The following FGF12 variants were observed in gnomAD, a reference collection of about 807,000 sequenced individuals.
FGF12 encodes fibroblast growth factor 12B.
FGF12 carries 14 observed loss-of-function variants against 23.6 expected under a neutral mutation model. The ratio of observed to expected loss-of-function variants is 0.59; its 90% CI spans 0.39 to 0.93. FGF12 has a LOEUF of 0.93. Ranked by LOEUF, FGF12 falls within the 40% of genes least tolerant of loss-of-function variation. The pLI is 0.00. For synonymous variants in FGF12, 62 were observed against 77.3 expected, an observed-to-expected ratio of 0.80 and a Z score of 1.04; for missense variants, 175 against 217.8, an observed-to-expected ratio of 0.80 and a Z score of 1.24.
chr3:192,259,282 T>A (rs994332872), intron 4 of FGF12, among the ~76,000 whole-genome samples: 36 of 152,160 alleles, frequency 2.4e-4, no homozygotes, highest in Non-Finnish European at 1.0e-4. Flanking sequence ...TACTGCATCA[T>A]AAGATAAGAG....
At chr3:192,598,823 A>G (rs966831945) in intron 2 of FGF12, among the ~76,000 whole-genome samples, 1 of 152,164 alleles carries the variant, frequency 6.6e-6, no homozygotes, top group Admixed American at 6.6e-5. Flanking sequence ...CTCTCACTCT[A>G]AATTCCAACA....
In FGF12 at chr3:192,293,958, G is replaced by A. The variant is rs146066144; in HGVS notation, c.228+41403C>T. Among the ~76,000 whole-genome samples, 622 of 152,230 alleles carry A rather than the reference G, an allele frequency of 4.1e-3. 3 individuals carry two copies. Among genetic ancestry groups the A allele is most frequent in the African/African-American group, 0.014 (601 of 41,560 alleles). On this transcript the variant is annotated intron_variant, in intron 4 of 5. Transcript: ENST00000445105. ...CCCTACCCAAATCTCATCTTGAATTGTACTCCCATTATTCACTCAAGTTGT... is the reference window on the plus strand; with the variant it reads ...CCCTACCCAAATCTCATCTTGAATTATACTCCCATTATTCACTCAAGTTGT...
At chr3:192,527,795 A>G (rs1481037871) in intron 2 of FGF12, among the ~76,000 whole-genome samples, 1 of 152,178 alleles carries the variant, frequency 6.6e-6, no homozygotes, top group African/African-American at 2.4e-5. Context: ...GTGGCTGGGG[A>G]GGCCTTACAA....
intron 2 of FGF12, among the ~76,000 whole-genome samples, chr3:192,666,913 T>C (rs1716892457): frequency 7.6e-6 from 1 of 131,336 alleles, no homozygotes; most frequent in East Asian, 2.2e-4. Flanking sequence ...GTTGGATAGA[T>C]AGATGATAGA....
chr3:192,562,893 T>A (rs1422103949), intron 2 of FGF12, among the ~76,000 whole-genome samples: 3 of 152,170 alleles, frequency 2.0e-5, no homozygotes, highest in Non-Finnish European at 4.4e-5. Context: ...TTGTTCATCC[T>A]GAACGTTCTC....
intron 2 of FGF12, among the ~76,000 whole-genome samples, chr3:192,572,301 G>A (rs145990815): frequency 3.8e-4 from 58 of 152,208 alleles, no homozygotes; most frequent in Middle Eastern, 3.4e-3. Flanking sequence ...TTCCTTGAGC[G>A]CCCAGTTGAT....
At chr3:192,421,920 G>A (rs912222336) in intron 2 of FGF12, among the ~76,000 whole-genome samples, 3 of 152,030 alleles carry the variant, frequency 2.0e-5, no homozygotes, top group African/African-American at 7.2e-5. Flanking sequence ...CTCTGAATAA[G>A]TGGTGGTGGT....
chr3:192,368,861 T>G (rs1484065234), intron 2 of FGF12, among the ~76,000 whole-genome samples: 1 of 152,188 alleles, frequency 6.6e-6, no homozygotes, highest in Non-Finnish European at 1.5e-5. Context: ...GCCCTTTCTC[T>G]ACTTGCTTTC....
rs1278868724 is a variant in FGF12, at chr3:192,197,871, A to C, written c.229-27215T>G. Among the ~76,000 whole-genome samples, 5 of 144,318 alleles carry C rather than the reference A, an allele frequency of 3.5e-5. No individual in the cohort carries two copies. In the South Asian group the frequency reaches 1.1e-3, roughly 33 times the overall value. The allele number at this position is 144,318 out of a possible 152,430, so 94.7% of individuals were successfully genotyped here. A position where few individuals can be genotyped will look rare whatever the true frequency, so the allele number is the denominator to read the frequency against. On this transcript the variant is annotated intron_variant, in intron 4 of 5. Transcript: ENST00000445105. The stretch of plus-strand genomic sequence containing the variant: ...TGAGGCAGGAGAATCACTTGAACCC[A>C]GGGGACGGAGGTTGCAGTGAGCTGA...
At chr3:192,248,892 C>A (rs1434001694) in intron 4 of FGF12, among the ~76,000 whole-genome samples, 1 of 152,108 alleles carries the variant, frequency 6.6e-6, no homozygotes, top group Non-Finnish European at 1.5e-5. Flanking sequence ...GCTTGATGAG[C>A]CATATTTACT....
intron 4 of FGF12, among the ~76,000 whole-genome samples, chr3:192,178,676 T>C (rs537705612): frequency 6.6e-6 from 1 of 152,304 alleles, no homozygotes; most frequent in African/African-American, 2.4e-5. Flanking sequence ...TTTTGTATTT[T>C]TAGTAGAGAC....
At chr3:192,253,616 A>T (rs889256396) in intron 4 of FGF12, among the ~76,000 whole-genome samples, 1 of 152,098 alleles carries the variant, frequency 6.6e-6, no homozygotes, top group Non-Finnish European at 1.5e-5. Context: ...AAAAGGCTGG[A>T]TGTGGCTAAA....
intron 2 of FGF12, among the ~76,000 whole-genome samples, chr3:192,380,276 T>G (rs983888842): frequency 1.3e-5 from 2 of 152,182 alleles, no homozygotes; most frequent in African/African-American, 4.8e-5. Context: ...TTCATCTGTT[T>G]GCTTAATGGA....
chr3:192,578,434 A>T (rs557601354), intron 2 of FGF12, among the ~76,000 whole-genome samples: 55 of 152,274 alleles, frequency 3.6e-4, no homozygotes, highest in Non-Finnish European at 6.6e-4. Context: ...TGCATTCTTA[A>T]CCCTTTACTG....
At chr3:192,631,023 C>T (rs1715373691) in intron 2 of FGF12, among the ~76,000 whole-genome samples, 1 of 152,136 alleles carries the variant, frequency 6.6e-6, no homozygotes, top group Admixed American at 6.6e-5. Flanking sequence ...ATTTACTAAA[C>T]TGTCTCCGGT....
At chr3:192,449,618 T>C (rs1418898460) in intron 2 of FGF12, among the ~76,000 whole-genome samples, 1 of 152,176 alleles carries the variant, frequency 6.6e-6, no homozygotes, top group African/African-American at 2.4e-5. Flanking sequence ...TTGGTTCTTG[T>C]AGCATCTGGT....
chr3:192,572,709 A>C (rs1246055837), intron 2 of FGF12, among the ~76,000 whole-genome samples: 1 of 152,222 alleles, frequency 6.6e-6, no homozygotes, highest in Non-Finnish European at 1.5e-5. Flanking sequence ...TAGAAATTAC[A>C]TACTAAACTA....
chr3:192,301,257 T>G (rs1189038731), intron 4 of FGF12, among the ~76,000 whole-genome samples: 1 of 152,116 alleles, frequency 6.6e-6, no homozygotes, highest in African/African-American at 2.4e-5. Flanking sequence ...GAGAAATCAT[T>G]CCAAGACAAG....
At chr3:192,265,545 C>T (rs1713026857) in intron 4 of FGF12, 1 of 152,102 alleles carries the variant, frequency 6.6e-6, no homozygotes, top group African/African-American at 2.4e-5. Context: ...GAGCAAAGAA[C>T]AGTTTTAACA....
Sources: gnomAD v4.1 joint callset for allele counts (sites outside exome capture counted in the v4.1 genomes callset) on GRCh38, gnomAD v4.1.1 for gene constraint, MANE v1.5 for transcripts, NCBI Gene and HGNC (gene_info 2026-07-23, HGNC 2026-07-21) for gene names.